The following GRK4 variants were observed in gnomAD, a reference collection of about 807,000 sequenced individuals.
GRK4 encodes G protein-coupled receptor kinase 4, also known as G protein-coupled receptor kinase 2-like.
Under a neutral mutation model 77.9 loss-of-function variants are expected in GRK4, and 73 were observed. The ratio of observed to expected loss-of-function variants is 0.94; its 90% CI spans 0.78 to 1.14. The LOEUF (loss-of-function observed/expected upper bound fraction) is 1.14, where lower values mean the gene tolerates loss of function less well. Ranked by LOEUF, GRK4 falls within the 50% of genes most tolerant of loss-of-function variation. The probability of loss-of-function intolerance (pLI) is 0.00; values close to 1 mark genes in which losing one functional copy is unlikely to be tolerated. For missense variants in GRK4, 729 were observed against 700.2 expected, an observed-to-expected ratio of 1.04 and a Z score of -0.46; for synonymous variants, 257 against 254.4, an observed-to-expected ratio of 1.01 and a Z score of -0.10.
intron 12 of GRK4, among the ~76,000 whole-genome samples, 161 bp from the exon 13 acceptor site, chr4:3,035,225 A>G (rs561234592): frequency 1.6e-4 from 25 of 151,772 alleles, no homozygotes; most frequent in African/African-American, 4.9e-4. Flanking sequence ...AGCCTGGGTG[A>G]CAGAACGAGA....
chr4:2,987,582 G>T (rs781432777), intron 2 of GRK4, among the ~76,000 whole-genome samples: 5 of 152,130 alleles, frequency 3.3e-5, no homozygotes, highest in Non-Finnish European at 7.4e-5. Context: ...AGTGTTGCTG[G>T]GAACATTGGT....
At chr4:2,964,232 G>T in intron 1 of GRK4, 110 bp downstream of exon 1, 2 of 944,366 alleles carry the variant, frequency 2.1e-6, no homozygotes, top group Non-Finnish European at 3.2e-6. Flanking sequence ...CGATTTCCCT[G>T]GAGAGCCCCG....
At chr4:3,025,807 G>A (rs1737365510) in intron 10 of GRK4, among the ~76,000 whole-genome samples, 1 of 152,138 alleles carries the variant, frequency 6.6e-6, no homozygotes, top group Non-Finnish European at 1.5e-5. Context: ...CCATCCCCAA[G>A]TAATTATTTT....
At chr4:2,972,247 C>T (rs1319593953) in intron 1 of GRK4, among the ~76,000 whole-genome samples, 1 of 152,222 alleles carries the variant, frequency 6.6e-6, no homozygotes, top group African/African-American at 2.4e-5. Flanking sequence ...GGATGGTCCT[C>T]CTTTGAAATG....
intron 1 of GRK4, among the ~76,000 whole-genome samples, chr4:2,977,981 A>G (rs1466292671): frequency 6.6e-6 from 1 of 152,184 alleles, no homozygotes; most frequent in African/African-American, 2.4e-5. Context: ...CCCCCATTCC[A>G]TGGGCTTATG....
intron 1 of GRK4, among the ~76,000 whole-genome samples, 164 bp downstream of exon 1, chr4:2,964,286 C>A (rs1716739960): frequency 6.6e-6 from 1 of 152,050 alleles, no homozygotes; most frequent in African/African-American, 2.4e-5. Context: ...GAGCCGGAGC[C>A]GGGGTCTGTG....
In GRK4 at chr4:2,988,735, T is replaced by G. The variant is rs900204981; in HGVS notation, c.157T>G (p.Tyr53Asp). 7 of 1,595,268 alleles carry G rather than the reference T, an allele frequency of 4.4e-6. No homozygotes were observed. The highest frequency in any genetic ancestry group is 6.0e-6 in the Non-Finnish European group (7 of 1,163,048). Residue 53 changes from tyrosine to aspartate, a missense_variant, in exon 3 of 16, where the codon TAT becomes GAT. Transcript: ENST00000398052. The part of the protein sequence containing the change: ...SELRHSIEKD[Y>D]SSLCDKQPIG... ...CCCTTTGCTTCACCCAGAAAAGGAT[T>G]ATAGCAGTCTTTGTGACAAGCAACC...
At chr4:2,975,158 C>T (rs1720735638) in intron 1 of GRK4, among the ~76,000 whole-genome samples, 1 of 152,122 alleles carries the variant, frequency 6.6e-6, no homozygotes. Context: ...CAAAAATTAG[C>T]TGGGCGTGGT....
chr4:2,988,834 G>T lies in GRK4; in HGVS notation c.256G>T (p.Ala86Ser), dbSNP rs768758317. The change falls in exon 3 of 16, where the codon GCA becomes TCA. Residue 86 changes from alanine (A) to serine (S), a missense_variant. By Grantham distance (99) the Ala-to-Ser change is moderately conservative (BLOSUM62 1). Coordinates refer to ENST00000398052, the MANE Select transcript of GRK4 (RefSeq NM_182982.3). ...AAAGAGGCACATTGAATTCTTGGAT[G>T]CAGTGGTGAGCAGTTTATCTCCATA... ...TLKRHIEFLDAVAEYEVADDE... is the reference protein window; with the variant it reads ...TLKRHIEFLDSVAEYEVADDE... 2.6e-6 allele frequency: 4 copies of T among 1,562,622 alleles called. No individual in the cohort carries two copies. The highest frequency in any genetic ancestry group is 3.5e-6 in the Non-Finnish European group (4 of 1,133,218).
chr4:2,979,949 G>C (rs1722388264), intron 1 of GRK4, among the ~76,000 whole-genome samples: 1 of 152,252 alleles, frequency 6.6e-6, no homozygotes, highest in South Asian at 2.1e-4. Flanking sequence ...GTTGTGAAAA[G>C]CATGAAATGC....
intron 5 of GRK4, among the ~76,000 whole-genome samples, chr4:3,006,937 A>G (rs1227352703): frequency 6.6e-6 from 1 of 152,170 alleles, no homozygotes; most frequent in East Asian, 1.9e-4. Context: ...GGAAGGGCCA[A>G]TCTTTCAGTC....
chr4:2,965,632 C>T, intron 1 of GRK4: 2 of 604,294 alleles, frequency 3.3e-6, no homozygotes, highest in Non-Finnish European at 5.9e-6. Flanking sequence ...TCACTTGGGC[C>T]CAGGAGAGTC....
At chr4:3,029,575 G>A (rs548614920) in intron 12 of GRK4, among the ~76,000 whole-genome samples, 166 bp downstream of exon 12, 8 of 152,050 alleles carry the variant, frequency 5.3e-5, no homozygotes, top group South Asian at 2.1e-4. Flanking sequence ...GAGGACACGC[G>A]TGTTCAGGAG....
chr4:2,999,250 G>T (rs1170480308), intron 4 of GRK4, among the ~76,000 whole-genome samples: 1 of 152,170 alleles, frequency 6.6e-6, no homozygotes, highest in South Asian at 2.1e-4. Context: ...ACACGCCTGG[G>T]TGGGGAGTGG....
chr4:3,029,326 G>A lies in GRK4; in HGVS notation c.1186G>A (p.Glu396Lys), dbSNP rs1256457645. The change falls in exon 12 of 16, where the codon GAG (glutamate) becomes AAG (lysine). Residue 396 changes from glutamate to lysine, a missense_variant. Transcript: ENST00000398052. ...AAAATACAAAGAGAAAGTCAAATGG[G>A]AGGAGGTCGATCAAAGAATCAAGAA... Reference protein sequence around the residue: ...FKKYKEKVKWEEVDQRIKNDT... With the variant: ...FKKYKEKVKWKEVDQRIKNDT... 6.2e-7 allele frequency: 1 copy of A among 1,614,134 alleles called. No homozygotes were observed. The highest frequency in any genetic ancestry group is 1.1e-5 in the South Asian group (1 of 91,080).
rs1276173859 is a variant in GRK4 at position 2,988,902 on chromosome 4, T to C, written c.261+63T>C. On this transcript the variant is annotated intron_variant, in intron 3 of 15. Coordinates refer to ENST00000398052, the MANE Select transcript of GRK4 (RefSeq NM_182982.3). ...CTTATGCTTTTGAAAATGTAAAAAC[T>C]TGGCCAGGCGCAGTAGCTCATGCTG... 6.9e-5 allele frequency: 75 copies of C among 1,088,824 alleles called. No individual in the cohort carries two copies. The Admixed American group carries it at 1.2e-3, about 18-fold the overall frequency. The allele number at this position is 1,088,824 out of a possible 1,614,324, so 67.4% of individuals were successfully genotyped here.
intron 10 of GRK4, among the ~76,000 whole-genome samples, chr4:3,024,693 C>T (rs752545477): frequency 2.0e-5 from 3 of 151,738 alleles, no homozygotes; most frequent in Non-Finnish European, 2.9e-5. Context: ...AACCCTGTCT[C>T]TACTAAAAAT....
intron 1 of GRK4, among the ~76,000 whole-genome samples, chr4:2,977,562 T>C (rs1721588282): frequency 6.6e-6 from 1 of 152,220 alleles, no homozygotes; most frequent in South Asian, 2.1e-4. Context: ...AGAATTTATT[T>C]TTCATTTCCA....
At chr4:3,022,345 C>A in intron 9 of GRK4, 69 bp from the exon 10 acceptor site, 1 of 1,500,294 alleles carries the variant, frequency 6.7e-7, no homozygotes, top group Non-Finnish European at 9.2e-7. Flanking sequence ...CTGGTTGTTC[C>A]TACTGGGTAC....
Sources: gnomAD v4.1 joint callset for allele counts (sites outside exome capture counted in the v4.1 genomes callset) on GRCh38, gnomAD v4.1.1 for gene constraint, MANE v1.5 for transcripts, NCBI Gene and HGNC (gene_info 2026-07-23, HGNC 2026-07-21) for gene names.